The following WDR59 variants were observed in gnomAD, a reference collection of about 807,000 sequenced individuals.
WDR59 encodes WD repeat domain 59, also known as GATOR2 complex protein WDR59.
A neutral mutation model predicts 131.2 loss-of-function variants in WDR59; 100 were observed. The observed-to-expected ratio is 0.76, with a 90% CI of 0.65 to 0.90. The LOEUF (loss-of-function observed/expected upper bound fraction) is 0.90. WDR59 is among the 40% of genes least tolerant of loss of function. WDR59 has a pLI of 0.00. For synonymous variants in WDR59, 601 were observed against 466.2 expected (o/e 1.29, Z -3.72); for missense variants, 1,203 against 1,262.2 (o/e 0.95, Z 0.71).
chr16:74,956,362 C>G (rs748508661), intron 3 of WDR59, 113 bp downstream of exon 3: 11 of 1,379,238 alleles, frequency 8.0e-6, no homozygotes, highest in Non-Finnish European at 1.1e-5. Context: ...ATCCAAACCT[C>G]TTTTCCAAAT....
Position 74,965,820 on chromosome 16 carries a change from T to G in WDR59, c.57A>C (p.Ala19=). 6.2e-7 allele frequency: 1 copy of G among 1,614,104 alleles called. No individual in the cohort carries two copies. Among genetic ancestry groups the G allele is most frequent in the South Asian group, 1.1e-5 (1 of 91,084 alleles). The change falls in exon 2 of 26, where the codon GCA becomes GCC. Residue 19 remains alanine, a splice_region_variant and synonymous_variant. Transcript: ENST00000262144. Reference sequence around the variant, plus strand: ...CAAGACAGTCCACAGACATCGCAGTTGCCTGAGAGAGAGAACACAGAGTCA... The same window carrying G: ...CAAGACAGTCCACAGACATCGCAGTGGCCTGAGAGAGAGAACACAGAGTCA... The part of the protein sequence containing the change: ...NVVVEFRDSQ[A]TAMSVDCLGQ...
At chr16:74,943,971 A>T (rs2032422402) in intron 6 of WDR59, among the ~76,000 whole-genome samples, 1 of 152,162 alleles carries the variant, frequency 6.6e-6, no homozygotes, top group South Asian at 2.1e-4. Flanking sequence ...TGAAGCAAGG[A>T]AGAGTATTAG....
intron 2 of WDR59, among the ~76,000 whole-genome samples, chr16:74,963,440 G>T (rs1188487892): frequency 6.6e-6 from 1 of 152,064 alleles, no homozygotes; most frequent in Admixed American, 6.6e-5. Flanking sequence ...TACTTTGCAG[G>T]GACATGGATG....
chr16:74,982,147 T>A (rs907445821), intron 1 of WDR59, among the ~76,000 whole-genome samples: 3 of 150,446 alleles, frequency 2.0e-5, no homozygotes, highest in African/African-American at 4.8e-5. Flanking sequence ...AAAAATTTTT[T>A]AATAAAATTA....
intron 2 of WDR59, among the ~76,000 whole-genome samples, chr16:74,957,068 T>C (rs1291967559): frequency 2.0e-5 from 3 of 150,000 alleles, no homozygotes; most frequent in Non-Finnish European, 4.4e-5. Flanking sequence ...ATGTCTTGAA[T>C]ATCTTTTTTT....
chr16:74,951,119 C>G (rs934875159), intron 4 of WDR59, among the ~76,000 whole-genome samples: 2 of 142,650 alleles, frequency 1.4e-5, no homozygotes, highest in Admixed American at 7.3e-5. Flanking sequence ...AAGATCGCAC[C>G]ATTGCACTCC....
chr16:74,959,564 C>A, intron 2 of WDR59: 1 of 451,136 alleles, frequency 2.2e-6, no homozygotes, highest in Non-Finnish European at 4.4e-6. Flanking sequence ...GGAGTTAAGA[C>A]CAGCCTGGGC....
intron 8 of WDR59, among the ~76,000 whole-genome samples, chr16:74,931,155 G>A (rs964990526): frequency 3.3e-5 from 5 of 151,612 alleles, no homozygotes; most frequent in Non-Finnish European, 5.9e-5. Flanking sequence ...AATAAGCCTT[G>A]GGTTTATTTT....
At chr16:74,885,379 G>A (rs1017444086) in intron 25 of WDR59, among the ~76,000 whole-genome samples, 10 of 137,678 alleles carry the variant, frequency 7.3e-5, no homozygotes, top group African/African-American at 2.7e-4. Context: ...AACCCAGAAG[G>A]CAGAGGTTCA....
intron 3 of WDR59, among the ~76,000 whole-genome samples, chr16:74,953,727 C>T (rs1476183581): frequency 6.6e-6 from 1 of 151,084 alleles, no homozygotes; most frequent in Non-Finnish European, 1.5e-5. Flanking sequence ...CAAGGCCGGG[C>T]GTGGTGTCTC....
chr16:74,891,038 T>C lies in WDR59; in HGVS notation c.2083-1223A>G, dbSNP rs964416174. Among the ~76,000 whole-genome samples, 13 of 143,966 alleles carry C rather than the reference T, an allele frequency of 9.0e-5. 1 individual carries two copies. The highest frequency in any genetic ancestry group is 2.0e-4 in the East Asian group (1 of 4,880). 94.4% of individuals were successfully genotyped at this position (143,966 alleles called of 152,430 possible). ...CTGAGGCAGAAGAATCTCTTGAACC[T>C]GGGAGGCAGAGGTTGCAGTGAGCCG... is the stretch of plus-strand genomic sequence containing the variant. On this transcript the variant is annotated intron_variant, in intron 20 of 25. Transcript: ENST00000262144.
intron 1 of WDR59, among the ~76,000 whole-genome samples, chr16:74,982,726 G>C (rs1217870647): frequency 6.6e-6 from 1 of 152,188 alleles, no homozygotes; most frequent in African/African-American, 2.4e-5. Context: ...AGGTCTCACG[G>C]AGACTCTGTG....
intron 3 of WDR59, among the ~76,000 whole-genome samples, chr16:74,954,919 T>C (rs958296738): frequency 6.6e-6 from 1 of 152,138 alleles, no homozygotes; most frequent in Non-Finnish European, 1.5e-5. Context: ...GATCAATCCA[T>C]TGAGACAGAG....
intron 13 of WDR59, among the ~76,000 whole-genome samples, chr16:74,912,777 A>G (rs1386121463): frequency 6.6e-6 from 1 of 152,248 alleles, no homozygotes; most frequent in Non-Finnish European, 1.5e-5. Flanking sequence ...TAGATTATAG[A>G]TTAACTAAAA....
At chr16:74,911,496 G>C (rs713257) in intron 14 of WDR59, among the ~76,000 whole-genome samples, 55,366 of 152,044 alleles carry the variant, frequency 0.36, 10,110 homozygotes, top group Middle Eastern at 0.41. Flanking sequence ...CAGACTGAAC[G>C]GGTATGAAGA....
chr16:74,940,993 C>T (rs541296205), intron 7 of WDR59, among the ~76,000 whole-genome samples: 61 of 151,766 alleles, frequency 4.0e-4, no homozygotes, highest in Middle Eastern at 3.2e-3. Flanking sequence ...TGTGAGCCAC[C>T]GCGCCCAGCC....
At chr16:74,974,729 G>A (rs564657713) in intron 1 of WDR59, among the ~76,000 whole-genome samples, 155 of 152,202 alleles carry the variant, frequency 1.0e-3, no homozygotes, top group African/African-American at 3.5e-3. Context: ...TAAGGCAGAC[G>A]GTGCCTACAT....
rs182095787 is a variant in WDR59, at chr16:74,976,642, T to C, written c.54+8322A>G. 7.7e-3 allele frequency among the ~76,000 whole-genome samples: 1,165 copies of C among 152,182 alleles called. 6 individuals carry two copies. The highest frequency in any genetic ancestry group is 0.024 in the South Asian group (117 of 4,826). On this transcript the variant is annotated intron_variant, in intron 1 of 25. Transcript: ENST00000262144. ...ATTTTTAGTAGAGACAGGGTTTCAC[T>C]GTGTTAGCCAGGATGGTCTCGATCT...
intron 18 of WDR59, among the ~76,000 whole-genome samples, chr16:74,900,011 A>G (rs1965473469): frequency 6.6e-6 from 1 of 152,136 alleles, no homozygotes; most frequent in Admixed American, 6.5e-5. Context: ...GTCACATTTC[A>G]AGGTATATGG....
Sources: gnomAD v4.1 joint callset for allele counts (sites outside exome capture counted in the v4.1 genomes callset) on GRCh38, gnomAD v4.1.1 for gene constraint, MANE v1.5 for transcripts, NCBI Gene and HGNC (gene_info 2026-07-23, HGNC 2026-07-21) for gene names.